DOP1A: variants seen among roughly 807,000 people sequenced by gnomAD.
DOP1A encodes protein DOP1A.
In DOP1A, 90 loss-of-function variants were observed where a neutral mutation model predicts 267.6. The observed-to-expected ratio is 0.34, with a 90% CI of 0.28 to 0.40. The LOEUF is 0.40. Ranked by LOEUF, DOP1A falls within the 10% of genes least tolerant of loss-of-function variation. The probability of loss-of-function intolerance (pLI) is 1.00; values close to 1 mark genes in which losing one functional copy is unlikely to be tolerated. For synonymous variants in DOP1A, 932 were observed against 999.1 expected (o/e 0.93, Z 1.27); for missense variants, 2,437 against 2,900.4 (o/e 0.84, Z 3.67).
chr6:83,129,488 G>A lies in DOP1A; in HGVS notation c.2321G>A (p.Arg774His), dbSNP rs986224867. The A allele has an allele frequency of 1.0e-5, 16 of 1,532,158 alleles. No homozygotes were observed. The highest frequency in any genetic ancestry group is 9.3e-5 in the South Asian group (7 of 75,546). 94.9% of individuals were successfully genotyped at this position (1,532,158 alleles called of 1,614,324 possible). A position where few individuals can be genotyped will look rare whatever the true frequency, so the allele number is the denominator to read the frequency against. Residue 774 changes from arginine to histidine, a missense_variant, in exon 16 of 39, where the codon CGT (arginine) becomes CAT (histidine). Coordinates refer to ENST00000349129, the MANE Select transcript of DOP1A (RefSeq NM_015018.4). ...GAGGGGAACCATACATCAGAGTTAC[G>A]TTCTGAAAAATTGGAGACTGGTAAG... is the stretch of plus-strand genomic sequence containing the variant. The part of the protein sequence containing the change: ...IAEGNHTSEL[R>H]SEKLETDCEH...
chr6:83,085,778 T>TTTATG (rs55657605), intron 1 of DOP1A, among the ~76,000 whole-genome samples: 34,848 of 142,860 alleles, frequency 0.24, 4,427 homozygotes, highest in Middle Eastern at 0.29. Context: ...TTTGCGGTAT[T>TTTATG]TTATGTTATG....
In DOP1A at chr6:83,137,514, T is replaced by C. The variant is rs780294158; in HGVS notation, c.3472T>C (p.Cys1158Arg). Residue 1158 changes from cysteine to arginine, a missense_variant, in exon 21 of 39, where the codon TGT (cysteine) becomes CGT (arginine). Physicochemically the swap from Cys to Arg is radical, Grantham distance 180 (BLOSUM62 -3). Coordinates refer to ENST00000349129, the MANE Select transcript of DOP1A (RefSeq NM_015018.4). ...DVQQVVFDLI[C>R]KVVSGLEVES... is the part of the protein sequence containing the mutation. ...TCAACAGGTAGTATTTGACCTGATA[T>C]GTAAAGTTGTAAGTGGCCTCGAAGT... 1.9e-6 allele frequency: 3 copies of C among 1,613,814 alleles called. No homozygotes were observed. The highest frequency in any genetic ancestry group is 1.7e-5 in the Admixed American group (1 of 59,964).
rs193173774 is a variant in DOP1A at position 83,154,806 on chromosome 6, G to A, written c.6451+565G>A. 5.2e-3 allele frequency among the ~76,000 whole-genome samples: 794 copies of A among 151,982 alleles called. 8 individuals carry two copies. Among genetic ancestry groups the A allele is most frequent in the Middle Eastern group, 0.031 (9 of 294 alleles). On this transcript the variant is annotated intron_variant, in intron 33 of 38. Transcript: ENST00000349129. ...TTAGAATTTCATCTGAAAAAAAAGA[G>A]TTTTAAAAAACGTTTGAAAGTTATT...
At chr6:83,090,900 T>A (rs1770236082) in intron 1 of DOP1A, among the ~76,000 whole-genome samples, 1 of 152,182 alleles carries the variant, frequency 6.6e-6, no homozygotes, top group Non-Finnish European at 1.5e-5. Flanking sequence ...ATTGTGGAAT[T>A]ACAACTAAAT....
At chr6:83,166,869 T>C (rs569824362) in intron 38 of DOP1A, 1 of 994,582 alleles carries the variant, frequency 1.0e-6, no homozygotes, top group South Asian at 4.6e-5. Flanking sequence ...TTTGTTAATA[T>C]GACAGATTGT....
intron 30 of DOP1A, 31 bp downstream of exon 30, chr6:83,152,398 C>A: frequency 3.0e-6 from 3 of 1,008,518 alleles, no homozygotes; most frequent in Admixed American, 2.8e-5. Flanking sequence ...CATGAACTCT[C>A]AAGTAGACTG....
chr6:83,078,204 A>G (rs1767455788), intron 1 of DOP1A, among the ~76,000 whole-genome samples: 1 of 152,206 alleles, frequency 6.6e-6, no homozygotes, highest in South Asian at 2.1e-4. Context: ...AGATTGAAGG[A>G]ATGGGTCTAT....
rs140174746 is a variant in DOP1A at position 83,074,459 on chromosome 6, C to T, written c.-147+6680C>T. ...AAAGTATAAGTATACAGATAGTCCCCAAATCATGGTAGTTTGACTTTATGA... is the reference window on the plus strand; with the variant it reads ...AAAGTATAAGTATACAGATAGTCCCTAAATCATGGTAGTTTGACTTTATGA... On this transcript the variant is annotated intron_variant, in intron 1 of 38. Coordinates refer to ENST00000349129, the MANE Select transcript of DOP1A (RefSeq NM_015018.4). Among the ~76,000 whole-genome samples the T allele has an allele frequency of 2.6e-5, 4 of 152,194 alleles. 1 individual carries two copies. Among genetic ancestry groups the T allele is most frequent in the African/African-American group, 9.6e-5 (4 of 41,532 alleles).
intron 38 of DOP1A, 159 bp from the exon 39 acceptor site, chr6:83,167,703 C>G (rs1205835028): frequency 1.2e-5 from 17 of 1,394,150 alleles, no homozygotes; most frequent in Non-Finnish European, 1.6e-5. Flanking sequence ...AGTAAAAGGT[C>G]TCAGAAGCAC....
At position 83,129,002 on chromosome 6, in the gene DOP1A, G is replaced by A. The variant is rs562390207; in HGVS notation, c.1835G>A (p.Arg612Gln). ...FTEFIQYQAD[R>Q]TDDIDRELSE... ...GAGTTTATACAATATCAAGCAGACC[G>A]AACTGATGATATTGACAGAGAACTG... Residue 612 changes from arginine (R) to glutamine (Q), a missense_variant, in exon 16 of 39, where the codon CGA (arginine) becomes CAA (glutamine). Arg to Gln is a conservative substitution (Grantham distance 43). This residue lies in a region of DOP1A where 498 missense variants were observed against 513.5 expected (regional missense o/e 0.97). Transcript: ENST00000349129. 46 of 1,613,282 alleles carry A rather than the reference G, an allele frequency of 2.9e-5. No individual in the cohort carries two copies. The highest frequency in any genetic ancestry group is 5.3e-5 in the African/African-American group (4 of 75,014).
chr6:83,096,276 C>T (rs971854362), intron 1 of DOP1A, among the ~76,000 whole-genome samples: 6 of 151,088 alleles, frequency 4.0e-5, no homozygotes, highest in Admixed American at 2.0e-4. Flanking sequence ...GAGACAGGAT[C>T]TCACTGTGTT....
intron 1 of DOP1A, 30 bp from the exon 2 acceptor site, chr6:83,096,701 A>G: frequency 2.4e-6 from 1 of 413,140 alleles, no homozygotes; most frequent in Non-Finnish European, 4.3e-6. Flanking sequence ...TTACTTACTA[A>G]ATTTTCACAG....
chr6:83,148,574 T>A (rs1780984890), intron 26 of DOP1A, among the ~76,000 whole-genome samples, 185 bp from the exon 27 acceptor site: 1 of 151,934 alleles, frequency 6.6e-6, no homozygotes, highest in South Asian at 2.1e-4. Context: ...ATCTCTGTTT[T>A]AAAAAAAAGA....
intron 17 of DOP1A, 40 bp from the exon 18 acceptor site, chr6:83,132,136 G>A (rs773258626): frequency 1.9e-6 from 3 of 1,577,064 alleles, no homozygotes; most frequent in South Asian, 2.3e-5. Flanking sequence ...AAATTTTCAT[G>A]TATGGTATTG....
intron 24 of DOP1A, among the ~76,000 whole-genome samples, chr6:83,142,856 A>G (rs1292117224): frequency 6.6e-6 from 1 of 152,158 alleles, no homozygotes; most frequent in Admixed American, 6.6e-5. Context: ...TCAAAGCTCA[A>G]GAGAAATGCT....
At chr6:83,140,479 A>C in intron 23 of DOP1A, 76 bp downstream of exon 23, 1 of 1,217,194 alleles carries the variant, frequency 8.2e-7, no homozygotes, top group South Asian at 1.6e-5. Context: ...AGAATATGTG[A>C]ATAATTTGTG....
chr6:83,169,217 GA>G, downstream of DOP1A: 1 of 1,613,608 alleles, frequency 6.2e-7, no homozygotes, highest in Non-Finnish European at 8.5e-7. Flanking sequence ...AGTTTCTCAG[GA>G]ATATGAAAAT....
chr6:83,118,558 G>A (rs1775849856), intron 7 of DOP1A, among the ~76,000 whole-genome samples: 1 of 152,058 alleles, frequency 6.6e-6, no homozygotes, highest in East Asian at 1.9e-4. Flanking sequence ...AAGACTAATG[G>A]CATATCATTT....
At position 83,138,431 on chromosome 6, in the gene DOP1A, C is replaced by T. The variant is rs1425386909; in HGVS notation, c.4389C>T (p.Tyr1463=). ...IEILISLCLY[Y]MRSHYPTHVK... ...TTCTTATTTCTCTCTGCTTATATTA[C>T]ATGCGTAGCCATTACCCAACTCATG... Residue 1463 remains tyrosine, a synonymous_variant, in exon 21 of 39, where the codon TAC becomes TAT. Transcript: ENST00000349129. 6.2e-7 allele frequency: 1 copy of T among 1,612,070 alleles called. No homozygotes were observed. The highest frequency in any genetic ancestry group is 1.7e-5 in the Admixed American group (1 of 60,004).
Sources: gnomAD v4.1 joint callset for allele counts (sites outside exome capture counted in the v4.1 genomes callset) on GRCh38, gnomAD v4.1.1 for gene constraint, gnomAD v4.1.1 regional missense constraint, MANE v1.5 for transcripts, NCBI Gene and HGNC (gene_info 2026-07-23, HGNC 2026-07-21) for gene names.